The following SLC24A2 variants were observed in gnomAD, a reference collection of about 807,000 sequenced individuals.
SLC24A2 encodes sodium/potassium/calcium exchanger 2.
SLC24A2 carries 36 observed loss-of-function variants against 62.0 expected under a neutral mutation model. The ratio of observed to expected loss-of-function variants is 0.58; its 90% CI spans 0.44 to 0.77. The LOEUF is 0.77. Among genes scored for constraint, SLC24A2 ranks in the 30% least tolerant of loss-of-function variants. The pLI, the probability that SLC24A2 is intolerant of heterozygous loss-of-function variation, is 0.00. For missense variants in SLC24A2, 846 were observed against 817.9 expected (o/e 1.03, Z -0.42); for synonymous variants, 358 against 294.0 (o/e 1.22, Z -2.23).
the SLC24A2 span, among the ~76,000 whole-genome samples, chr9:20,305,606 A>G: frequency 6.6e-6 from 1 of 152,226 alleles, no homozygotes; most frequent in Non-Finnish European, 1.5e-5. Context: ...ATCCATATTC[A>G]GTATCTAGAG....
chr9:19,798,554 A>G, the SLC24A2 span, among the ~76,000 whole-genome samples: 1 of 151,762 alleles, frequency 6.6e-6, no homozygotes, highest in Non-Finnish European at 1.5e-5. Flanking sequence ...AAATCTTTCC[A>G]TTGCTTTTAT....
intron 9 of SLC24A2, among the ~76,000 whole-genome samples, chr9:19,521,883 T>TG (rs1833220799): frequency 6.6e-6 from 1 of 151,926 alleles, no homozygotes; most frequent in Non-Finnish European, 1.5e-5. Context: ...TCTTTTTTTT[T>TG]TTTTGGTCTT....
the SLC24A2 span, among the ~76,000 whole-genome samples, chr9:20,148,234 C>G: frequency 6.6e-6 from 1 of 151,964 alleles, no homozygotes; most frequent in East Asian, 1.9e-4. Flanking sequence ...AATTGGAAAT[C>G]TACACACAAT....
chr9:19,755,466 T>C (rs997089717), intron 2 of SLC24A2, among the ~76,000 whole-genome samples: 2 of 152,194 alleles, frequency 1.3e-5, no homozygotes, highest in Non-Finnish European at 1.5e-5. Context: ...TTGAAACTTA[T>C]TAAGTGAAAA....
the SLC24A2 span, among the ~76,000 whole-genome samples, chr9:20,080,716 G>A: frequency 1.9e-4 from 29 of 152,274 alleles, 1 homozygote; most frequent in African/African-American, 6.5e-4. Flanking sequence ...GAAAATTTTT[G>A]CAAACTACTC....
chr9:19,571,512 T>G (rs944190463), intron 7 of SLC24A2, among the ~76,000 whole-genome samples: 33 of 151,754 alleles, frequency 2.2e-4, no homozygotes, highest in African/African-American at 7.5e-4. Flanking sequence ...GTCTAGAGAG[T>G]GCTTTCAAAC....
chr9:19,873,163 G>C, the SLC24A2 span, among the ~76,000 whole-genome samples: 1 of 151,880 alleles, frequency 6.6e-6, no homozygotes, highest in Non-Finnish European at 1.5e-5. Context: ...GCATTAAATA[G>C]TTGAATCTAA....
At chr9:20,040,035 A>G in the SLC24A2 span, among the ~76,000 whole-genome samples, 11 of 152,228 alleles carry the variant, frequency 7.2e-5, no homozygotes, top group African/African-American at 2.4e-4. Flanking sequence ...ATTATAAAAT[A>G]AGGTTGAAAT....
the SLC24A2 span, among the ~76,000 whole-genome samples, chr9:20,064,237 T>C: frequency 6.6e-6 from 1 of 152,168 alleles, no homozygotes; most frequent in South Asian, 2.1e-4. Flanking sequence ...ACATACTGTA[T>C]GATTCCATTT....
At position 19,507,503 on chromosome 9, in the gene SLC24A2, C is replaced by G. The variant is rs963917726; in HGVS notation, c.*8650G>C. ...ACTATTATTTTTCACACTGAGGAGA[C>G]TTAGTTACATAAAGTGATATTCTAT... On this transcript the variant is annotated 3_prime_UTR_variant, in exon 11 of 11. Coordinates refer to ENST00000341998, the MANE Select transcript of SLC24A2 (RefSeq NM_020344.4). The G allele has an allele frequency of 2.0e-5, 3 of 152,074 alleles. No homozygotes were observed. The highest frequency in any genetic ancestry group is 7.2e-5 in the African/African-American group (3 of 41,382). 9.4% of individuals were successfully genotyped at this position (152,074 alleles called of 1,614,324 possible). A position where few individuals can be genotyped will look rare whatever the true frequency, so the allele number is the denominator to read the frequency against.
intron 4 of SLC24A2, among the ~76,000 whole-genome samples, chr9:19,613,230 G>T (rs1319524982): frequency 6.6e-6 from 1 of 152,150 alleles, no homozygotes; most frequent in East Asian, 1.9e-4. Context: ...TTGCCTTGTG[G>T]TGACTGTGAT....
At chr9:19,602,083 T>C (rs914540293) in intron 4 of SLC24A2, among the ~76,000 whole-genome samples, 4 of 152,202 alleles carry the variant, frequency 2.6e-5, no homozygotes, top group Non-Finnish European at 4.4e-5. Context: ...AGTGGAAATT[T>C]TGGAGTCAAT....
At chr9:19,743,905 T>C (rs911454398) in intron 2 of SLC24A2, among the ~76,000 whole-genome samples, 7 of 152,154 alleles carry the variant, frequency 4.6e-5, no homozygotes, top group African/African-American at 1.7e-4. Context: ...TCTCACTTTA[T>C]TAGCCCATGT....
At chr9:20,114,903 C>T in the SLC24A2 span, among the ~76,000 whole-genome samples, 5 of 152,184 alleles carry the variant, frequency 3.3e-5, no homozygotes, top group East Asian at 1.9e-4. Context: ...TGACAAAAGA[C>T]GGACTGACAG....
At chr9:20,301,566 T>C in the SLC24A2 span, among the ~76,000 whole-genome samples, 3 of 151,738 alleles carry the variant, frequency 2.0e-5, no homozygotes, top group Admixed American at 2.0e-4. Flanking sequence ...ATGAAGACTT[T>C]AAAAGAAATT....
the SLC24A2 span, among the ~76,000 whole-genome samples, chr9:19,850,992 T>TATAC: frequency 4.2e-5 from 2 of 47,536 alleles, no homozygotes; most frequent in African/African-American, 1.4e-4. Context: ...TATGTATATA[T>TATAC]ATATATATAC....
chr9:19,953,464 T>A, the SLC24A2 span, among the ~76,000 whole-genome samples: 3 of 152,004 alleles, frequency 2.0e-5, no homozygotes, highest in African/African-American at 4.8e-5. Context: ...AACGTTTCCA[T>A]AAAGTTATAC....
the SLC24A2 span, among the ~76,000 whole-genome samples, chr9:19,918,849 C>G: frequency 2.0e-5 from 3 of 152,118 alleles, no homozygotes; most frequent in Admixed American, 6.6e-5. Flanking sequence ...GGAAGAACTT[C>G]TAGGAAACCA....
chr9:19,883,755 C>T, the SLC24A2 span, among the ~76,000 whole-genome samples: 6 of 151,968 alleles, frequency 3.9e-5, no homozygotes, highest in South Asian at 2.1e-4. Context: ...TTAGTAGAGT[C>T]GGGGTTTCAC....
Sources: allele counts gnomAD v4.1 joint callset (sites outside exome capture counted in the v4.1 genomes callset), GRCh38; gene constraint gnomAD v4.1.1; transcripts MANE v1.5; gene names NCBI Gene and HGNC (gene_info 2026-07-23, HGNC 2026-07-21).